The following ALK variants were observed in gnomAD, a reference collection of about 807,000 sequenced individuals.
The protein encoded by ALK is ALK receptor tyrosine kinase, also known as ALK tyrosine kinase receptor.
Under a neutral mutation model 163.1 loss-of-function variants are expected in ALK, and 74 were observed. That is an observed-to-expected ratio of 0.45 (90% CI 0.38 to 0.55). ALK has a LOEUF of 0.55. Among genes scored for constraint, ALK ranks in the 20% least tolerant of loss-of-function variants. The probability of loss-of-function intolerance (pLI) is 0.00; values close to 1 mark genes in which losing one functional copy is unlikely to be tolerated. For synonymous variants in ALK, 960 were observed against 843.2 expected (o/e 1.14, Z -2.40); for missense variants, 2,063 against 2,105.3 (o/e 0.98, Z 0.39).
intron 3 of ALK, among the ~76,000 whole-genome samples, chr2:29,636,144 G>C (rs1254976095): frequency 6.6e-6 from 1 of 152,160 alleles, no homozygotes; most frequent in Non-Finnish European, 1.5e-5. Context: ...CAGTAATCAA[G>C]ACATGTGGTG....
chr2:29,900,302 G>C (rs1667379855), intron 1 of ALK, among the ~76,000 whole-genome samples: 1 of 151,986 alleles, frequency 6.6e-6, no homozygotes, highest in African/African-American at 2.4e-5. Flanking sequence ...CCACCTAACA[G>C]GGAGCCCTGG....
intron 3 of ALK, among the ~76,000 whole-genome samples, chr2:29,551,717 T>A (rs1273955265): frequency 6.6e-6 from 1 of 152,100 alleles, no homozygotes; most frequent in Non-Finnish European, 1.5e-5. Flanking sequence ...AATATATGAC[T>A]CTACACACAG....
chr2:29,349,524 G>A (rs557171815), intron 5 of ALK, among the ~76,000 whole-genome samples: 6 of 152,276 alleles, frequency 3.9e-5, no homozygotes, highest in South Asian at 2.1e-4. Flanking sequence ...GAAGAGAGAC[G>A]CTCATCTAGA....
At chr2:29,733,865 C>G (rs935675916) in intron 1 of ALK, among the ~76,000 whole-genome samples, 1 of 152,048 alleles carries the variant, frequency 6.6e-6, no homozygotes, top group Non-Finnish European at 1.5e-5. Context: ...GTTGGAGGAG[C>G]TGTCTTGGAA....
intron 3 of ALK, among the ~76,000 whole-genome samples, chr2:29,674,605 A>G (rs1249084839): frequency 6.6e-6 from 1 of 151,372 alleles, no homozygotes; most frequent in Non-Finnish European, 1.5e-5. Flanking sequence ...TTTTGCATCA[A>G]TGTTCATCAA....
intron 3 of ALK, among the ~76,000 whole-genome samples, chr2:29,647,164 T>G (rs905264659): frequency 1.4e-4 from 21 of 152,154 alleles, no homozygotes; most frequent in African/African-American, 5.1e-4. Context: ...GTAATGGAAG[T>G]TACGTTAGAA....
intron 3 of ALK, among the ~76,000 whole-genome samples, chr2:29,657,519 G>A (rs929013120): frequency 1.3e-5 from 2 of 152,158 alleles, no homozygotes; most frequent in Non-Finnish European, 2.9e-5. Flanking sequence ...AAAGAAGCTA[G>A]GGAATTGGGG....
chr2:29,525,496 C>T (rs1241616881), intron 4 of ALK, among the ~76,000 whole-genome samples: 2 of 152,072 alleles, frequency 1.3e-5, no homozygotes, highest in Non-Finnish European at 2.9e-5. Context: ...CAGAATAGCT[C>T]AAGATGAGAC....
intron 5 of ALK, among the ~76,000 whole-genome samples, chr2:29,367,249 G>A (rs185987108): frequency 6.6e-6 from 1 of 152,252 alleles, no homozygotes; most frequent in Non-Finnish European, 1.5e-5. Flanking sequence ...AGGTTCCAGT[G>A]TATTGAGAAA....
intron 1 of ALK, among the ~76,000 whole-genome samples, chr2:29,858,316 A>T (rs1390014766): frequency 6.6e-6 from 1 of 152,190 alleles, no homozygotes; most frequent in Non-Finnish European, 1.5e-5. Context: ...CTCTAACATT[A>T]TATGAATAAT....
chr2:29,279,336 C>T (rs750184121), intron 9 of ALK, among the ~76,000 whole-genome samples: 4 of 152,182 alleles, frequency 2.6e-5, no homozygotes, highest in Non-Finnish European at 4.4e-5. Flanking sequence ...TCTGTCCACC[C>T]GGGGCCACCC....
At position 29,873,167 on chromosome 2, in the gene ALK, A is replaced by G. The variant is rs758817074; in HGVS notation, c.667+46826T>C. 2.2e-4 allele frequency among the ~76,000 whole-genome samples: 34 copies of G among 152,232 alleles called. 1 individual carries two copies. The highest frequency in any genetic ancestry group is 4.6e-4 in the Non-Finnish European group (31 of 68,042). On this transcript the variant is annotated intron_variant, in intron 1 of 28. Transcript: ENST00000389048. ...AGATGTTTTATCAAAGTGACAGCTCAGTGCTATGGGCTCCCATCTCAAACA... is the reference window on the plus strand; with the variant it reads ...AGATGTTTTATCAAAGTGACAGCTCGGTGCTATGGGCTCCCATCTCAAACA...
intron 4 of ALK, among the ~76,000 whole-genome samples, chr2:29,477,185 G>A (rs1671547126): frequency 6.6e-6 from 1 of 152,088 alleles, no homozygotes; most frequent in African/African-American, 2.4e-5. Context: ...TGGGGTGGAA[G>A]GTCTGAGTGG....
At chr2:29,717,543 A>C (rs1214651436) in intron 2 of ALK, 35 bp downstream of exon 2, 2 of 1,610,996 alleles carry the variant, frequency 1.2e-6, no homozygotes, top group Non-Finnish European at 1.7e-6. Flanking sequence ...AGATAGTGAC[A>C]GTGTATCTCA....
chr2:29,382,480 A>T (rs1668924606), intron 5 of ALK, among the ~76,000 whole-genome samples: 1 of 152,178 alleles, frequency 6.6e-6, no homozygotes, highest in African/African-American at 2.4e-5. Context: ...TGTGGGCCTG[A>T]TATCTGGACT....
At chr2:29,403,709 C>CAAAAAAAAAAAAAAAAA (rs67270103) in intron 4 of ALK, among the ~76,000 whole-genome samples, 1 of 74,184 alleles carries the variant, frequency 1.3e-5, no homozygotes, top group African/African-American at 6.1e-5. Context: ...CAGGTCTCTA[C>CAAAAAAAAAAAAAAAAA]AAAAAAAAAA....
rs746119406 is a variant in ALK at position 29,437,229 on chromosome 2, C to T, written c.1155-53370G>A. Among the ~76,000 whole-genome samples the T allele has an allele frequency of 8.9e-4, 135 of 152,242 alleles. 2 individuals carry two copies. The highest frequency in any genetic ancestry group is 1.5e-3 in the Non-Finnish European group (99 of 68,014). On this transcript the variant is annotated intron_variant, in intron 4 of 28. Coordinates refer to ENST00000389048, the MANE Select transcript of ALK (RefSeq NM_004304.5). ...CTTCCTTCCTCATTTTTCTCCCTCC[C>T]TTCTTTCTTCTGTCTCTTAGATATG... is the stretch of plus-strand genomic sequence containing the variant.
Position 29,392,367 on chromosome 2 carries a change from T to C in ALK, c.1155-8508A>G, listed in dbSNP as rs4322799. ...CTGGCACTTCCTACTATAATGCACATAGGTTTAGATGTATGCCAAATGCAA... is the reference window on the plus strand; with the variant it reads ...CTGGCACTTCCTACTATAATGCACACAGGTTTAGATGTATGCCAAATGCAA... On this transcript the variant is annotated intron_variant, in intron 4 of 28. Transcript: ENST00000389048. 0.25 allele frequency among the ~76,000 whole-genome samples: 38,737 copies of C among 152,118 alleles called. 5,184 individuals are homozygous for C. Among genetic ancestry groups the C allele is most frequent in the Middle Eastern group, 0.34 (100 of 294 alleles).
intron 22 of ALK, chr2:29,221,332 G>A: frequency 2.2e-6 from 1 of 461,884 alleles, no homozygotes; most frequent in South Asian, 1.9e-5. Flanking sequence ...TTCCTCATGG[G>A]AGGGACCAAG....
Sources: allele counts gnomAD v4.1 joint callset (sites outside exome capture counted in the v4.1 genomes callset), GRCh38; gene constraint gnomAD v4.1.1; transcripts MANE v1.5; gene names NCBI Gene and HGNC (gene_info 2026-07-23, HGNC 2026-07-21).